Variants in RUNX1 observed in about 807,000 individuals in gnomAD.
RUNX1 encodes runt-related transcription factor 1.
In RUNX1, 19 loss-of-function variants were observed where a neutral mutation model predicts 42.8. The observed-to-expected ratio is 0.44, with a 90% CI of 0.31 to 0.65. The LOEUF is 0.65. RUNX1 is among the 30% of genes least tolerant of loss of function. RUNX1 has a pLI of 0.07. For missense variants in RUNX1, 528 were observed against 672.0 expected, an observed-to-expected ratio of 0.79 and a Z score of 2.37; for synonymous variants, 271 against 289.4, an observed-to-expected ratio of 0.94 and a Z score of 0.64.
chr21:35,043,593 T>C (rs1386859995), intron 2 of RUNX1, among the ~76,000 whole-genome samples: 2 of 152,226 alleles, frequency 1.3e-5, no homozygotes, highest in Admixed American at 1.3e-4. Flanking sequence ...GGTACCTCTT[T>C]CTGATGCATG....
chr21:35,018,778 C>T (rs935103023), intron 2 of RUNX1, among the ~76,000 whole-genome samples: 5 of 152,152 alleles, frequency 3.3e-5, no homozygotes, highest in African/African-American at 9.7e-5. Flanking sequence ...AGAGCCAAGG[C>T]TGGATTTCAC....
intron 2 of RUNX1, among the ~76,000 whole-genome samples, chr21:34,943,750 C>G (rs1352045312): frequency 2.0e-5 from 3 of 152,124 alleles, no homozygotes; most frequent in Admixed American, 2.0e-4. Context: ...TTATTGGCAA[C>G]TGGATTTTGC....
At chr21:34,884,728 C>G (rs2057955418) in intron 4 of RUNX1, among the ~76,000 whole-genome samples, 1 of 152,192 alleles carries the variant, frequency 6.6e-6, no homozygotes, top group Non-Finnish European at 1.5e-5. Context: ...CAGGAAGAAG[C>G]CTCTTTTTAT....
chr21:35,012,169 G>C (rs937294358), intron 2 of RUNX1, among the ~76,000 whole-genome samples: 1 of 152,136 alleles, frequency 6.6e-6, no homozygotes, highest in African/African-American at 2.4e-5. Flanking sequence ...AAAATCGGCT[G>C]GCATGTGCAT....
At chr21:34,866,670 TG>T (rs1269178869) in intron 5 of RUNX1, among the ~76,000 whole-genome samples, 3 of 152,238 alleles carry the variant, frequency 2.0e-5, no homozygotes, top group African/African-American at 7.2e-5. Context: ...TTAATTTATT[TG>T]GGGATTTCTG....
At chr21:34,899,241 G>A (rs1321895840) in intron 2 of RUNX1, among the ~76,000 whole-genome samples, 1 of 152,054 alleles carries the variant, frequency 6.6e-6, no homozygotes, top group Admixed American at 6.5e-5. Context: ...CTGTTGTTAT[G>A]GCCTGAATGT....
intron 8 of RUNX1, among the ~76,000 whole-genome samples, chr21:34,795,694 CAG>C (rs2056517327): frequency 6.6e-6 from 1 of 152,232 alleles, no homozygotes; most frequent in African/African-American, 2.4e-5. Context: ...CCTCATTCCA[CAG>C]GGTTCATCCC....
intron 2 of RUNX1, among the ~76,000 whole-genome samples, chr21:35,032,893 T>C (rs1046479783): frequency 2.6e-5 from 4 of 152,220 alleles, no homozygotes; most frequent in African/African-American, 4.8e-5. Flanking sequence ...TCTGCTTACA[T>C]CCACTGATGT....
In RUNX1 at chr21:34,799,342, C is replaced by T. The variant is rs780802526; in HGVS notation, c.926G>A (p.Gly309Asp). Reference sequence around the variant, plus strand: ...AAGTTCTGCAGAGAGGGTTGTCATGCCGCTGGCACGTCCAGGTGAAATGGG... The same window carrying T: ...AAGTTCTGCAGAGAGGGTTGTCATGTCGCTGGCACGTCCAGGTGAAATGGG... ...ATPISPGRAS[G>D]MTTLSAELSS... The change falls in exon 8 of 9, where the codon GGC (glycine) becomes GAC (aspartate). Residue 309 changes from glycine (G) to aspartate (D), a missense_variant. By Grantham distance (94) the Gly-to-Asp change is moderately conservative. Coordinates refer to ENST00000675419, the MANE Select transcript of RUNX1 (RefSeq NM_001754.5). The T allele has an allele frequency of 3.7e-6, 6 of 1,614,172 alleles. No individual in the cohort carries two copies. The South Asian group carries it at 6.6e-5, about 18-fold the overall frequency.
chr21:35,001,124 C>T (rs541044166), intron 2 of RUNX1, among the ~76,000 whole-genome samples: 8 of 152,274 alleles, frequency 5.3e-5, no homozygotes, highest in African/African-American at 1.4e-4. Context: ...ACCTCCAAAA[C>T]AGTCACTCTC....
At chr21:34,826,434 C>CTTTTTTTTT (rs772880673) in intron 7 of RUNX1, among the ~76,000 whole-genome samples, 191 of 105,310 alleles carry the variant, frequency 1.8e-3, no homozygotes, top group Non-Finnish European at 2.3e-3. Flanking sequence ...TTCTTTCTTT[C>CTTTTTTTTT]TTTTTTTTTT....
intron 2 of RUNX1, among the ~76,000 whole-genome samples, chr21:34,986,773 C>T (rs1019537459): frequency 3.3e-5 from 5 of 151,924 alleles, no homozygotes; most frequent in African/African-American, 1.2e-4. Context: ...TCAGAGGGAG[C>T]ACAGAAATGC....
At chr21:34,889,726 T>C in intron 3 of RUNX1, 3 of 1,181,992 alleles carry the variant, frequency 2.5e-6, no homozygotes, top group Non-Finnish European at 3.2e-6. Flanking sequence ...GTCCCCGCGG[T>C]GCTGCGGGCA....
chr21:34,840,704 G>A (rs1010858336), intron 6 of RUNX1, among the ~76,000 whole-genome samples: 19 of 152,204 alleles, frequency 1.2e-4, no homozygotes, highest in Admixed American at 2.6e-4. Flanking sequence ...CCCAGCCTGC[G>A]ATCCCACCTG....
At chr21:34,877,948 ATGAGCCAAGAGCCAGGGCCTTC>A (rs1283951876) in intron 5 of RUNX1, among the ~76,000 whole-genome samples, 1 of 152,152 alleles carries the variant, frequency 6.6e-6, no homozygotes, top group South Asian at 2.1e-4. Flanking sequence ...GAAAGTTTGG[ATGAGCCAAGAGCCAGGGCCTTC>A]TGAGCCATGG....
chr21:34,795,142 T>A (rs1193728383), intron 8 of RUNX1, among the ~76,000 whole-genome samples: 1 of 152,222 alleles, frequency 6.6e-6, no homozygotes, highest in Non-Finnish European at 1.5e-5. Flanking sequence ...AAAATAACTC[T>A]TAAGCTCAGA....
intron 2 of RUNX1, among the ~76,000 whole-genome samples, chr21:34,944,166 G>A (rs770781026): frequency 6.6e-6 from 1 of 152,008 alleles, no homozygotes; most frequent in African/African-American, 2.4e-5. Context: ...ATGCCACCAG[G>A]CCTTACTAAT....
intron 7 of RUNX1, among the ~76,000 whole-genome samples, chr21:34,832,739 G>T (rs530524784): frequency 1.3e-5 from 2 of 151,906 alleles, no homozygotes; most frequent in Non-Finnish European, 2.9e-5. Context: ...TACCATATAC[G>T]CTTGTATTTT....
intron 6 of RUNX1, among the ~76,000 whole-genome samples, chr21:34,853,812 TTCA>T (rs1399726036): frequency 4.2e-5 from 5 of 117,892 alleles, no homozygotes; most frequent in Admixed American, 3.7e-4. Flanking sequence ...CCTTCCTTCC[TTCA>T]TTTTTTTTTT....
Sources: allele counts gnomAD v4.1 joint callset (sites outside exome capture counted in the v4.1 genomes callset), GRCh38; gene constraint gnomAD v4.1.1; transcripts MANE v1.5; gene names NCBI Gene and HGNC (gene_info 2026-07-23, HGNC 2026-07-21).